Variants in SLC35D4 observed in about 807,000 individuals in gnomAD.
SLC35D4 encodes UDP-N-acetylglucosamine transporter SLC35D4.
chr18:23,279,317 C>G, the SLC35D4 span, among the ~76,000 whole-genome samples: 1 of 152,204 alleles, frequency 6.6e-6, no homozygotes, highest in Non-Finnish European at 1.5e-5. Context: ...TCAACTTCTG[C>G]TTATATCTCA....
the SLC35D4 span, among the ~76,000 whole-genome samples, chr18:23,421,992 C>G: frequency 6.6e-6 from 1 of 151,962 alleles, no homozygotes; most frequent in Admixed American, 6.6e-5. Context: ...TCCTCTTATT[C>G]TAGACTTTTC....
chr18:23,431,725 CTTATGTATAT>C, the SLC35D4 span, among the ~76,000 whole-genome samples: 1 of 152,106 alleles, frequency 6.6e-6, no homozygotes, highest in African/African-American at 2.4e-5. Flanking sequence ...TTCTATTTCT[CTTATGTATAT>C]TTATGTATAT....
chr18:23,436,311 A>G, the SLC35D4 span, among the ~76,000 whole-genome samples: 1 of 27,966 alleles, frequency 3.6e-5, no homozygotes, highest in Non-Finnish European at 6.5e-5. Flanking sequence ...TACAGGCGTG[A>G]GCCACCACGC....
At chr18:23,359,675 G>C in the SLC35D4 span, among the ~76,000 whole-genome samples, 1 of 152,154 alleles carries the variant, frequency 6.6e-6, no homozygotes, top group African/African-American at 2.4e-5. Flanking sequence ...TCGGTTCCAA[G>C]CAGTAATTAG....
At chr18:23,246,003 C>G in the SLC35D4 span, among the ~76,000 whole-genome samples, 1 of 152,204 alleles carries the variant, frequency 6.6e-6, no homozygotes, top group Non-Finnish European at 1.5e-5. Context: ...CACGGTGGCT[C>G]ACGCCTGTAA....
chr18:23,412,816 C>T, the SLC35D4 span, among the ~76,000 whole-genome samples: 3 of 152,210 alleles, frequency 2.0e-5, no homozygotes, highest in Admixed American at 1.3e-4. Context: ...TATTTCTATG[C>T]TCTAACAGCA....
At chr18:23,260,897 C>G in the SLC35D4 span, among the ~76,000 whole-genome samples, 2 of 152,044 alleles carry the variant, frequency 1.3e-5, no homozygotes, top group South Asian at 2.1e-4. Context: ...AGCTGAGATT[C>G]AAAGCTGGAA....
chr18:23,298,387 T>C, the SLC35D4 span, among the ~76,000 whole-genome samples: 2 of 152,216 alleles, frequency 1.3e-5, no homozygotes, highest in South Asian at 4.1e-4. Flanking sequence ...CACAGACTTC[T>C]GGCAGGAGAG....
the SLC35D4 span, among the ~76,000 whole-genome samples, chr18:23,249,010 G>A: frequency 1.4e-4 from 22 of 152,286 alleles, no homozygotes; most frequent in South Asian, 2.1e-3. Flanking sequence ...GGAAACTGGC[G>A]CTGGCACTGG....
At chr18:23,397,014 G>GA in the SLC35D4 span, among the ~76,000 whole-genome samples, 4 of 152,224 alleles carry the variant, frequency 2.6e-5, 1 homozygote, top group South Asian at 8.3e-4. Context: ...CCAACTGCCT[G>GA]AAAACACACT....
the SLC35D4 span, among the ~76,000 whole-genome samples, chr18:23,405,573 A>G: frequency 6.6e-6 from 1 of 152,226 alleles, no homozygotes; most frequent in African/African-American, 2.4e-5. Flanking sequence ...TAACTCATTC[A>G]TATTCATTAA....
At chr18:23,242,878 A>G in the SLC35D4 span, among the ~76,000 whole-genome samples, 1 of 152,174 alleles carries the variant, frequency 6.6e-6, no homozygotes, top group Admixed American at 6.5e-5. Context: ...AATGTATCAT[A>G]GAACTTAATT....
At chr18:23,291,090 G>A in the SLC35D4 span, among the ~76,000 whole-genome samples, 89,385 of 152,080 alleles carry the variant, frequency 0.59, 26,886 homozygotes, top group Middle Eastern at 0.7. Flanking sequence ...TGAATGACGT[G>A]CTTTGAGCCA....
the SLC35D4 span, among the ~76,000 whole-genome samples, chr18:23,320,816 T>C: frequency 6.6e-6 from 1 of 152,210 alleles, no homozygotes; most frequent in African/African-American, 2.4e-5. Context: ...GTTTTGACCT[T>C]AGCTTTTTAG....
the SLC35D4 span, among the ~76,000 whole-genome samples, chr18:23,378,199 CT>C: frequency 2.4e-3 from 335 of 141,760 alleles, no homozygotes; most frequent in African/African-American, 4.9e-3. Context: ...TTCTTTCTTT[CT>C]TTTTTTTTTT....
the SLC35D4 span, among the ~76,000 whole-genome samples, chr18:23,303,101 C>T: frequency 3.9e-3 from 598 of 152,144 alleles, 6 homozygotes; most frequent in African/African-American, 0.013. Context: ...GATCAGCCAC[C>T]GCCCCTGCCT....
At chr18:23,250,240 G>T in the SLC35D4 span, among the ~76,000 whole-genome samples, 1 of 152,216 alleles carries the variant, frequency 6.6e-6, no homozygotes, top group African/African-American at 2.4e-5. Context: ...AAAGGCAGAT[G>T]ACTTTACTTG....
At chr18:23,249,784 G>C in the SLC35D4 span, among the ~76,000 whole-genome samples, 11 of 152,110 alleles carry the variant, frequency 7.2e-5, no homozygotes, top group African/African-American at 2.6e-4. Context: ...CACTGCTAGC[G>C]ATCTTCTCGG....
At chr18:23,373,139 C>T in the SLC35D4 span, among the ~76,000 whole-genome samples, 3 of 152,036 alleles carry the variant, frequency 2.0e-5, no homozygotes, top group African/African-American at 7.2e-5. Context: ...GATGGAGAAA[C>T]CTCATCTGTA....
Sources: allele counts gnomAD v4.1 joint callset (sites outside exome capture counted in the v4.1 genomes callset), GRCh38; gene constraint gnomAD v4.1.1; transcripts MANE v1.5; gene names NCBI Gene and HGNC (gene_info 2026-07-23, HGNC 2026-07-21).